The following LCP2 variants were observed in gnomAD, a reference collection of about 807,000 sequenced individuals.
LCP2 encodes the protein lymphocyte cytosolic protein 2.
In LCP2, 29 loss-of-function variants were observed where a neutral mutation model predicts 74.5. That is an observed-to-expected ratio of 0.39 (90% CI 0.29 to 0.53). The LOEUF (loss-of-function observed/expected upper bound fraction) is 0.53, where lower values mean the gene tolerates loss of function less well. Ranked by LOEUF, LCP2 falls within the 20% of genes least tolerant of loss-of-function variation. LCP2 has a pLI of 0.72. For missense variants in LCP2, 604 were observed against 634.6 expected, an observed-to-expected ratio of 0.95 and a Z score of 0.52; for synonymous variants, 228 against 229.5, an observed-to-expected ratio of 0.99 and a Z score of 0.06.
intron 2 of LCP2, among the ~76,000 whole-genome samples, chr5:170,289,254 G>T (rs1713559722): frequency 6.6e-6 from 1 of 152,204 alleles, no homozygotes; most frequent in African/African-American, 2.4e-5. Context: ...AAATGGAGGA[G>T]TAAGATGAGG....
At chr5:170,275,758 GA>G in intron 4 of LCP2, 36 bp downstream of exon 4, 1 of 1,541,136 alleles carries the variant, frequency 6.5e-7, no homozygotes, top group South Asian at 1.2e-5. Flanking sequence ...ACTCGGGACT[GA>G]AAAATCTTGC....
At position 170,282,367 on chromosome 5, in the gene LCP2, G is replaced by A. The variant is rs540785443; in HGVS notation, c.188+5603C>T. On this transcript the variant is annotated intron_variant, in intron 3 of 20. Transcript: ENST00000046794. ...AGTATTGAACGCCTGTAAGTATCCA[G>A]GACAGCACCAGGCAATTTCTGTGTG... 7.9e-5 allele frequency among the ~76,000 whole-genome samples: 12 copies of A among 152,310 alleles called. No individual in the cohort carries two copies. The South Asian group carries it at 2.5e-3, about 32-fold the overall frequency.
chr5:170,252,447 C>T lies in LCP2; in HGVS notation c.1310G>A (p.Arg437Lys). 1 of 1,570,600 alleles carries T rather than the reference C, an allele frequency of 6.4e-7. No individual in the cohort carries two copies. Among genetic ancestry groups the T allele is most frequent in the East Asian group, 2.2e-5 (1 of 44,538 alleles). ...ITRPEAEAAL[R>K]KINQDGTFLV... ...ATAGCACAATACCTGGTTTATCTTT[C>T]TAAGAGCAGCTTCTGCCTCTGGTCG... is the stretch of plus-strand genomic sequence containing the variant. Residue 437 changes from arginine (R) to lysine (K), a missense_variant, in exon 19 of 21, where the codon AGA (arginine) becomes AAA (lysine). Arg to Lys is a conservative substitution (Grantham distance 26). Transcript: ENST00000046794.
rs145547371 is a variant in LCP2 at position 170,279,993 on chromosome 5, G to A, written c.189-4133C>T. On this transcript the variant is annotated intron_variant, in intron 3 of 20. Coordinates refer to ENST00000046794, the MANE Select transcript of LCP2 (RefSeq NM_005565.5). ...GAGAGAGGGGGGAAGGGAAGGGAAGGGGAAGGGGTATAGAATAGAAAATAT... is the reference window on the plus strand; with the variant it reads ...GAGAGAGGGGGGAAGGGAAGGGAAGAGGAAGGGGTATAGAATAGAAAATAT... Among the ~76,000 whole-genome samples, 1,516 of 152,160 alleles carry A rather than the reference G, an allele frequency of 1.0e-2. 9 individuals are homozygous for A. The highest frequency in any genetic ancestry group is 0.016 in the Non-Finnish European group (1,103 of 67,988).
chr5:170,291,605 A>G (rs1762297572), intron 2 of LCP2, among the ~76,000 whole-genome samples: 1 of 152,230 alleles, frequency 6.6e-6, no homozygotes, highest in South Asian at 2.1e-4. Flanking sequence ...CTGTTCTACC[A>G]GGCCTGACAC....
intron 3 of LCP2, among the ~76,000 whole-genome samples, chr5:170,281,318 C>A (rs968746286): frequency 4.6e-5 from 7 of 151,582 alleles, no homozygotes; most frequent in African/African-American, 1.2e-4. Context: ...CTTGCTCTGT[C>A]CCCCAGGCTG....
chr5:170,280,242 G>A (rs953710626), intron 3 of LCP2, among the ~76,000 whole-genome samples: 1 of 151,842 alleles, frequency 6.6e-6, no homozygotes, highest in Non-Finnish European at 1.5e-5. Context: ...ATCCCTCCTG[G>A]GACAAGGCTC....
chr5:170,271,722 T>G (rs1479854792), intron 6 of LCP2, among the ~76,000 whole-genome samples: 1 of 151,990 alleles, frequency 6.6e-6, no homozygotes, highest in South Asian at 2.1e-4. Flanking sequence ...GCAGCAGTGA[T>G]GAGCGCTCAT....
At chr5:170,268,564 G>A in intron 7 of LCP2, 82 bp from the exon 8 acceptor site, 1 of 179,878 alleles carries the variant, frequency 5.6e-6, no homozygotes. Flanking sequence ...TGCAGCTCGG[G>A]GCACCGGGGG....
intron 1 of LCP2, among the ~76,000 whole-genome samples, 181 bp downstream of exon 1, chr5:170,297,353 G>C (rs1326951132): frequency 3.9e-5 from 6 of 152,124 alleles, no homozygotes; most frequent in African/African-American, 1.4e-4. Context: ...CTTCTCTCCG[G>C]AACTCATGGT....
Position 170,250,816 on chromosome 5 carries a change from A to G in LCP2, c.1393T>C (p.Tyr465His). The G allele has an allele frequency of 6.2e-7, 1 of 1,612,646 alleles. No individual in the cohort carries two copies. The highest frequency in any genetic ancestry group is 8.5e-7 in the Non-Finnish European group (1 of 1,178,666). ...TTNPYVLMVL[Y>H]KDKVYNIQIR... Reference sequence around the variant, plus strand: ...TGGATGTTGTAAACTTTATCTTTGTACAACACCATGAGGACATATGGATTG... The same window carrying G: ...TGGATGTTGTAAACTTTATCTTTGTGCAACACCATGAGGACATATGGATTG... Residue 465 changes from tyrosine to histidine, a missense_variant, in exon 20 of 21, where the codon TAC (tyrosine) becomes CAC (histidine). Transcript: ENST00000046794.
chr5:170,271,955 TCAA>T (rs1761903338), intron 6 of LCP2, among the ~76,000 whole-genome samples: 1 of 152,164 alleles, frequency 6.6e-6, no homozygotes, highest in Non-Finnish European at 1.5e-5. Context: ...ATTAAAAACA[TCAA>T]CAACAGAGGG....
At chr5:170,273,910 T>A (rs1761938463) in intron 6 of LCP2, 4 of 127,094 alleles carry the variant, frequency 3.1e-5, no homozygotes, top group Non-Finnish European at 6.0e-5. Flanking sequence ...GGAGTGTCCA[T>A]TTTTGGAGAC....
rs970319214 is a variant in LCP2 at position 170,293,355 on chromosome 5, A to C, written c.96T>G (p.Cys32Trp). The C allele has an allele frequency of 1.9e-6, 3 of 1,602,104 alleles. No individual in the cohort carries two copies. The highest frequency in any genetic ancestry group is 2.6e-6 in the Non-Finnish European group (3 of 1,173,972). The change falls in exon 2 of 21, where the codon TGT (cysteine) becomes TGG (tryptophan). Residue 32 changes from cysteine (C) to tryptophan (W), a missense_variant. Coordinates refer to ENST00000046794, the MANE Select transcript of LCP2 (RefSeq NM_005565.5). ...DYFKKLNYKD[C>W]EKAVKKYHID... ...TGTGGTACTTCTTCACTGCCTTCTC[A>C]CAGTCCTTATAGTTGAGCTGCAAAG...
At chr5:170,285,830 T>C (rs563276625) in intron 3 of LCP2, among the ~76,000 whole-genome samples, 8 of 152,274 alleles carry the variant, frequency 5.3e-5, no homozygotes, top group Non-Finnish European at 1.2e-4. Context: ...GAATGCTCTC[T>C]CTATGCAGCT....
Position 170,288,027 on chromosome 5 carries a change from G to C in LCP2, c.142-11C>G. ...ATTTTCTGTCAGGTTCTGAAATGAA[G>C]ACACATATGGCAGGCAGGTTACAAC... On this transcript the variant is annotated splice_polypyrimidine_tract_variant and intron_variant, in intron 2 of 20. Transcript: ENST00000046794. The C allele has an allele frequency of 6.2e-7, 1 of 1,613,900 alleles. No homozygotes were observed. The highest frequency in any genetic ancestry group is 8.5e-7 in the Non-Finnish European group (1 of 1,179,810).
intron 3 of LCP2, among the ~76,000 whole-genome samples, chr5:170,287,179 C>A (rs755868328): frequency 6.6e-6 from 1 of 152,140 alleles, no homozygotes; most frequent in African/African-American, 2.4e-5. Flanking sequence ...TGAGGCTTTG[C>A]GATGGCTACT....
chr5:170,289,631 TTC>T (rs1408422576), intron 2 of LCP2, among the ~76,000 whole-genome samples: 1 of 101,046 alleles, frequency 9.9e-6, no homozygotes, highest in Non-Finnish European at 1.9e-5. Flanking sequence ...CTTTCTTTCT[TTC>T]TTTCTTTCTT....
At chr5:170,292,852 C>T (rs946670238) in intron 2 of LCP2, among the ~76,000 whole-genome samples, 1 of 152,204 alleles carries the variant, frequency 6.6e-6, no homozygotes, top group Non-Finnish European at 1.5e-5. Flanking sequence ...ACAGTGGAGA[C>T]AGCCATATCA....
Sources: gnomAD v4.1 joint callset for allele counts (sites outside exome capture counted in the v4.1 genomes callset) on GRCh38, gnomAD v4.1.1 for gene constraint, MANE v1.5 for transcripts, NCBI Gene and HGNC (gene_info 2026-07-23, HGNC 2026-07-21) for gene names.